CATSPER4: variants seen among roughly 807,000 people sequenced by gnomAD.
The protein encoded by CATSPER4 is cation channel sperm-associated protein 4.
In CATSPER4, 46 loss-of-function variants were observed where a neutral mutation model predicts 54.4. The ratio of observed to expected loss-of-function variants is 0.84; its 90% confidence interval spans 0.67 to 1.08. The LOEUF is 1.08. Ranked by LOEUF, CATSPER4 falls within the 50% of genes least tolerant of loss-of-function variation. The pLI is 0.00. For missense variants in CATSPER4, 574 were observed against 612.8 expected, an observed-to-expected ratio of 0.94 and a Z score of 0.67; for synonymous variants, 230 against 231.9, an observed-to-expected ratio of 0.99 and a Z score of 0.08.
intron 5 of CATSPER4, 52 bp downstream of exon 5, chr1:26,198,129 T>G: frequency 6.2e-7 from 1 of 1,614,106 alleles, no homozygotes; most frequent in Non-Finnish European, 8.5e-7. Context: ...ACAGGGCCCT[T>G]GGGTCATTGC....
In CATSPER4 at chr1:26,202,506, A is replaced by G; in HGVS notation, c.1383A>G (p.Ser461=). Residue 461 remains serine (S), a synonymous_variant, in exon 10 of 10, where the codon TCA becomes TCG. Transcript: ENST00000456354. ...VSMEKVHDSS[S]QILLKKHKSS... ...GTTTGCAGGTTCATGACTCTAGCTCACAAATACTCCTTAAAAAACACAAGA... is the reference window on the plus strand; with the variant it reads ...GTTTGCAGGTTCATGACTCTAGCTCGCAAATACTCCTTAAAAAACACAAGA... The G allele has an allele frequency of 6.2e-7, 1 of 1,611,946 alleles. No homozygotes were observed. The highest frequency in any genetic ancestry group is 8.5e-7 in the Non-Finnish European group (1 of 1,179,096).
chr1:26,199,893 GA>G lies in CATSPER4; in HGVS notation c.823del (p.Arg275GlyfsTer32), dbSNP rs1403598501. 1 of 1,614,152 alleles carries G rather than the reference GA, an allele frequency of 6.2e-7. No individual in the cohort carries two copies. Among genetic ancestry groups the G allele is most frequent in the Middle Eastern group, 1.7e-4 (1 of 6,002 alleles). On this transcript the variant is annotated frameshift_variant, in exon 7 of 10. Transcript: ENST00000456354. LOFTEE classifies it high-confidence loss of function. ...TGCCTGCCATCTGCAGGACAGAGAA[GA>G]GGGAATATGCAATGGAGATTGGGGG... The part of the protein sequence containing the change: ...DIYSDFQTEK[R>X]EYAMEIGGAI...
In CATSPER4 at chr1:26,198,433, G is replaced by A. The variant is rs768568430; in HGVS notation, c.812+14G>A. On this transcript the variant is annotated intron_variant, in intron 6 of 9. Transcript: ENST00000456354. ...CAGTGACTTCCAGTGAGTGCCAGTG[G>A]GACTTCCAGCCTCATCCCACCTATG... 1.9e-6 allele frequency: 3 copies of A among 1,613,974 alleles called. No homozygotes were observed. In the East Asian group the frequency reaches 6.7e-5, roughly 36 times the overall value.
rs150836821 is a variant in CATSPER4, at chr1:26,200,836, G to T, written c.994G>T (p.Ala332Ser). 51 of 1,613,604 alleles carry T rather than the reference G, an allele frequency of 3.2e-5. No individual in the cohort carries two copies. The African/African-American group carries it at 4.7e-4, about 15-fold the overall frequency. The change falls in exon 8 of 10, where the codon GCA (alanine) becomes TCA (serine). Residue 332 changes from alanine (A) to serine (S), a missense_variant. Transcript: ENST00000456354. ...TCTATCCCCCGCTTCCCAGACAGGC[G>T]CAGAGGAAGAGGAGGAGAATGACCA... ...QQRITFSETG[A>S]EEEEENDQLP... is the part of the protein sequence containing the mutation.
rs141118091 is a variant in CATSPER4 at position 26,191,160 on chromosome 1, A to T, written c.214-127A>T. The T allele has an allele frequency of 7.5e-5, 81 of 1,083,124 alleles. No individual in the cohort carries two copies. In the African/African-American group the frequency reaches 1.2e-3, roughly 16 times the overall value. The allele number at this position is 1,083,124 out of a possible 1,614,324, so 67.1% of individuals were successfully genotyped here. A position where few individuals can be genotyped will look rare whatever the true frequency, so the allele number is the denominator to read the frequency against. On this transcript the variant is annotated intron_variant, in intron 1 of 9. Coordinates refer to ENST00000456354, the MANE Select transcript of CATSPER4 (RefSeq NM_198137.2). ...TCTACACTGATGTCTCCATTCCATGATCCACTCTCAGATGATTTCCCCCCT... is the reference window on the plus strand; with the variant it reads ...TCTACACTGATGTCTCCATTCCATGTTCCACTCTCAGATGATTTCCCCCCT...
intron 7 of CATSPER4, 73 bp from the exon 8 acceptor site, chr1:26,200,757 C>T: frequency 1.7e-6 from 2 of 1,195,946 alleles, no homozygotes; most frequent in Non-Finnish European, 1.2e-6. Context: ...CATCCTGAAG[C>T]CAAGCAGGAA....
chr1:26,201,460 G>T lies in CATSPER4; in HGVS notation c.1306G>T (p.Asp436Tyr), dbSNP rs6657616. The T allele has an allele frequency of 1.2e-6, 2 of 1,613,704 alleles. No individual in the cohort carries two copies. The highest frequency in any genetic ancestry group is 2.7e-5 in the African/African-American group (2 of 74,808). The change falls in exon 9 of 10, where the codon GAC becomes TAC. Residue 436 changes from aspartate to tyrosine, a missense_variant. By Grantham distance (160) the Asp-to-Tyr change is radical. Transcript: ENST00000456354. The stretch of plus-strand genomic sequence containing the variant: ...GTCGTTGGAGACTACGTCATCCAAG[G>T]ACATCCGCCAGATGTCTCAACAGCA... ...SGSLETTSSK[D>Y]IRQMSQQQDL...
chr1:26,200,134 G>A (rs1184110798), intron 7 of CATSPER4, 76 bp downstream of exon 7: 3 of 1,491,770 alleles, frequency 2.0e-6, no homozygotes, highest in Non-Finnish European at 2.7e-6. Flanking sequence ...GTGCATGTAT[G>A]TGTGTGCTTG....
intron 3 of CATSPER4, 142 bp downstream of exon 3, chr1:26,194,030 T>C: frequency 1.4e-6 from 1 of 718,408 alleles, no homozygotes; most frequent in South Asian, 1.5e-5. Flanking sequence ...GAGATGTGTA[T>C]GATGTGGCAG....
At chr1:26,195,792 G>A (rs1427763761) in intron 3 of CATSPER4, among the ~76,000 whole-genome samples, 5 of 152,082 alleles carry the variant, frequency 3.3e-5, no homozygotes, top group East Asian at 1.9e-4. Context: ...ATAAGCCACC[G>A]CGCCCGGCCT....
chr1:26,199,333 A>G (rs58786391), intron 6 of CATSPER4, among the ~76,000 whole-genome samples: 51,781 of 151,376 alleles, frequency 0.34, 9,293 homozygotes, highest in African/African-American at 0.42. Context: ...TCAGGAGGCT[A>G]AGGCAGGAGA....
At chr1:26,193,987 T>C (rs1367640203) in intron 3 of CATSPER4, 99 bp downstream of exon 3, 1 of 753,350 alleles carries the variant, frequency 1.3e-6, no homozygotes, top group Non-Finnish European at 2.4e-6. Flanking sequence ...GGTGTGAGTA[T>C]GTGTGTGTGT....
At chr1:26,190,867 GC>G (rs1403154361) in intron 1 of CATSPER4, 27 bp downstream of exon 1, 1 of 1,572,952 alleles carries the variant, frequency 6.4e-7, no homozygotes, top group Admixed American at 1.8e-5. Context: ...CCCCACAGTG[GC>G]CCCTTCTGCA....
chr1:26,200,882 T>C lies in CATSPER4; in HGVS notation c.1040T>C (p.Val347Ala). ...GACCAGCTGCCACTGGTGCATTGTG[T>C]GGTCGCCCGCTCGGAGAAATCTGGT... is the stretch of plus-strand genomic sequence containing the variant. ...ENDQLPLVHC[V>A]VARSEKSGLL... Residue 347 changes from valine to alanine, a missense_variant, in exon 8 of 10, where the codon GTG becomes GCG. Coordinates refer to ENST00000456354, the MANE Select transcript of CATSPER4 (RefSeq NM_198137.2). 1 of 1,614,170 alleles carries C rather than the reference T, an allele frequency of 6.2e-7. No individual in the cohort carries two copies.
At position 26,190,834 on chromosome 1, in the gene CATSPER4, C is replaced by G; in HGVS notation, c.207C>G (p.Asn69Lys). 1 of 1,608,414 alleles carries G rather than the reference C, an allele frequency of 6.2e-7. No individual in the cohort carries two copies. Among genetic ancestry groups the G allele is most frequent in the Non-Finnish European group, 8.5e-7 (1 of 1,177,440 alleles). ...TCATCAACCGCCAGGAAATCACGAA[C>G]AAAGCGGTAAGGATAGCTCTCGCCC... ...QVLINRQEIT[N>K]KADAWDMQEF... The change falls in exon 1 of 10, where the codon AAC becomes AAG. Residue 69 changes from asparagine to lysine, a missense_variant. Transcript: ENST00000456354.
At chr1:26,193,940 C>T (rs1360457296) in intron 3 of CATSPER4, 52 bp downstream of exon 3, 1 of 1,187,436 alleles carries the variant, frequency 8.4e-7, no homozygotes, top group Non-Finnish European at 1.3e-6. Flanking sequence ...TGCACACCAC[C>T]CAGTCTGCCC....
rs146583262 is a variant in CATSPER4, at chr1:26,190,693, C to T, written c.66C>T (p.Gly22=). The change falls in exon 1 of 10, where the codon GGC becomes GGT. Residue 22 remains glycine (G), a synonymous_variant. Transcript: ENST00000456354. ...WTSHTGLEGW[G]GTQEDRMGFG... ...CCCATACAGGCCTCGAGGGGTGGGG[C>T]GGGACTCAGGAGGACCGTATGGGGT... 1.6e-5 allele frequency: 26 copies of T among 1,611,882 alleles called. No individual in the cohort carries two copies. Among genetic ancestry groups the T allele is most frequent in the African/African-American group, 1.3e-4 (10 of 74,916 alleles).
rs569945028 is a variant in CATSPER4, at chr1:26,198,332, A to T, written c.725A>T (p.Lys242Met). 12 of 1,614,176 alleles carry T rather than the reference A, an allele frequency of 7.4e-6. No individual in the cohort carries two copies. In the Admixed American group the frequency reaches 2.0e-4, roughly 27 times the overall value. Reference sequence around the variant, plus strand: ...ACACTCTTTGGTGCATTCGTGCCCAAGCATTTCCAGAACATACAGGTTGCG... The same window carrying T: ...ACACTCTTTGGTGCATTCGTGCCCATGCATTTCCAGAACATACAGGTTGCG... ...GVTLFGAFVPKHFQNIQVALY... is the reference protein window; with the variant it reads ...GVTLFGAFVPMHFQNIQVALY... The change falls in exon 6 of 10, where the codon AAG becomes ATG. Residue 242 changes from lysine to methionine, a missense_variant. Lys to Met is a moderately conservative substitution (Grantham distance 95, BLOSUM62 -1). Coordinates refer to ENST00000456354, the MANE Select transcript of CATSPER4 (RefSeq NM_198137.2).
chr1:26,200,716 GGGCCTTA>G (rs66472967), intron 7 of CATSPER4, 107 bp from the exon 8 acceptor site: 198,568 of 836,820 alleles, frequency 0.24, 24,421 homozygotes, highest in African/African-American at 0.36. Flanking sequence ...GCTGAAATGA[GGGCCTTA>G]GAACCCTGGG....
Sources: gnomAD v4.1 joint callset for allele counts (sites outside exome capture counted in the v4.1 genomes callset) on GRCh38, gnomAD v4.1.1 for gene constraint, MANE v1.5 for transcripts, NCBI Gene and HGNC (gene_info 2026-07-23, HGNC 2026-07-21) for gene names.